Variants in CSMD3 observed in about 807,000 individuals in gnomAD.
The protein encoded by CSMD3 is CUB and Sushi multiple domains 3, also known as CUB and sushi domain-containing protein 3.
CSMD3 carries 177 observed loss-of-function variants against 435.2 expected under a neutral mutation model. The ratio of observed to expected loss-of-function variants is 0.41; its 90% CI spans 0.36 to 0.46. The LOEUF is 0.46. Among genes scored for constraint, CSMD3 ranks in the 20% least tolerant of loss-of-function variants. The pLI, the probability that CSMD3 is intolerant of heterozygous loss-of-function variation, is 0.34. For synonymous variants in CSMD3, 1,656 were observed against 1,520.5 expected, an observed-to-expected ratio of 1.09 and a Z score of -2.07; for missense variants, 4,265 against 4,504.6, an observed-to-expected ratio of 0.95 and a Z score of 1.52.
intron 68 of CSMD3, 122 bp downstream of exon 68, chr8:112,234,243 T>C: frequency 1.7e-6 from 1 of 591,034 alleles, no homozygotes; most frequent in Non-Finnish European, 3.0e-6. Context: ...TATTTATATT[T>C]ACTAATATAT....
At chr8:112,989,636 G>T (rs1421735390) in intron 6 of CSMD3, among the ~76,000 whole-genome samples, 35 of 151,954 alleles carry the variant, frequency 2.3e-4, no homozygotes, top group Non-Finnish European at 4.4e-5. Context: ...TGACTAAGAG[G>T]TAGAGTAGGT....
intron 1 of CSMD3, among the ~76,000 whole-genome samples, chr8:113,361,419 TTAAA>T (rs1406630000): frequency 1.3e-5 from 2 of 152,170 alleles, no homozygotes; most frequent in African/African-American, 4.8e-5. Context: ...ATAAATTTCC[TTAAA>T]TATTCTTAAC....
chr8:112,854,393 G>A (rs1314834019), intron 11 of CSMD3, among the ~76,000 whole-genome samples: 1 of 152,140 alleles, frequency 6.6e-6, no homozygotes, highest in Non-Finnish European at 1.5e-5. Context: ...TTTGTGGGGA[G>A]AGGGCAAGGG....
intron 13 of CSMD3, among the ~76,000 whole-genome samples, chr8:112,713,351 G>T (rs2131930636): frequency 7.4e-6 from 1 of 135,676 alleles, no homozygotes; most frequent in South Asian, 2.5e-4. Context: ...AGGCAGACAA[G>T]ATTAGAAAAT....
intron 4 of CSMD3, among the ~76,000 whole-genome samples, chr8:113,114,544 AC>A (rs2090765483): frequency 6.6e-6 from 1 of 152,166 alleles, no homozygotes; most frequent in African/African-American, 2.4e-5. Context: ...AAAGACCCTG[AC>A]CTAGGCAAAA....
chr8:112,914,531 T>C (rs1160051046), intron 10 of CSMD3, among the ~76,000 whole-genome samples: 1 of 151,524 alleles, frequency 6.6e-6, no homozygotes, highest in African/African-American at 2.4e-5. Flanking sequence ...ACTTCATGCC[T>C]TAATATGAGG....
intron 27 of CSMD3, among the ~76,000 whole-genome samples, chr8:112,527,001 T>A (rs1040546545): frequency 2.0e-4 from 30 of 151,884 alleles, no homozygotes; most frequent in African/African-American, 7.0e-4. Context: ...GTATAGCTAA[T>A]AAGCTAATAG....
At chr8:113,413,968 C>T (rs2094570622) in intron 1 of CSMD3, among the ~76,000 whole-genome samples, 1 of 152,076 alleles carries the variant, frequency 6.6e-6, no homozygotes, top group East Asian at 1.9e-4. Flanking sequence ...AAGATCTTAC[C>T]TTTAAAAGAA....
intron 13 of CSMD3, among the ~76,000 whole-genome samples, chr8:112,738,512 A>G (rs577294352): frequency 6.6e-6 from 1 of 151,804 alleles, no homozygotes; most frequent in South Asian, 2.1e-4. Context: ...CAAAAGAATT[A>G]TGTCATGCTA....
rs140015044 is a variant in CSMD3 at position 112,593,391 on chromosome 8, T to A, written c.3716-6156A>T. Among the ~76,000 whole-genome samples, 130 of 152,248 alleles carry A rather than the reference T, an allele frequency of 8.5e-4. 1 individual carries two copies. The East Asian group carries it at 0.023, about 27-fold the overall frequency. ...GGAAGAGGAGATGCCAAAGTAAAAGTTAGAACTTGGAGACAAGTTCGATGT... is the reference window on the plus strand; with the variant it reads ...GGAAGAGGAGATGCCAAAGTAAAAGATAGAACTTGGAGACAAGTTCGATGT... On this transcript the variant is annotated intron_variant, in intron 22 of 70. Coordinates refer to ENST00000297405, the MANE Select transcript of CSMD3 (RefSeq NM_198123.2).
intron 31 of CSMD3, among the ~76,000 whole-genome samples, chr8:112,478,270 A>G (rs913511357): frequency 6.6e-6 from 1 of 152,228 alleles, no homozygotes; most frequent in South Asian, 2.1e-4. Flanking sequence ...CTGGAAATGT[A>G]GAAATGGCTT....
At chr8:113,100,334 A>G (rs917920942) in intron 4 of CSMD3, among the ~76,000 whole-genome samples, 1 of 152,104 alleles carries the variant, frequency 6.6e-6, no homozygotes, top group African/African-American at 2.4e-5. Flanking sequence ...TACTACAAAT[A>G]TTTTTACCAA....
intron 30 of CSMD3, among the ~76,000 whole-genome samples, chr8:112,498,926 G>A (rs915716827): frequency 7.2e-5 from 11 of 152,044 alleles, no homozygotes; most frequent in African/African-American, 2.4e-4. Context: ...ACCTCTTTAC[G>A]ATGCTCAAAA....
At chr8:112,469,180 A>T (rs1368545021) in intron 32 of CSMD3, among the ~76,000 whole-genome samples, 1 of 150,108 alleles carries the variant, frequency 6.7e-6, no homozygotes, top group Non-Finnish European at 1.5e-5. Flanking sequence ...AAAAAAAAAA[A>T]AAGTAATTTG....
chr8:112,913,962 GT>G (rs1360013700), intron 10 of CSMD3, among the ~76,000 whole-genome samples: 2 of 151,840 alleles, frequency 1.3e-5, no homozygotes, highest in Admixed American at 6.6e-5. Flanking sequence ...TTTCGTTGCT[GT>G]TTTTCCCACT....
intron 37 of CSMD3, among the ~76,000 whole-genome samples, chr8:112,382,271 C>T (rs1425350402): frequency 1.5e-5 from 2 of 133,222 alleles, no homozygotes; most frequent in Admixed American, 1.7e-4. Flanking sequence ...GCAATAGAGC[C>T]AGACCCTGTC....
chr8:112,348,629 G>A (rs1029809681), intron 40 of CSMD3, among the ~76,000 whole-genome samples: 3 of 152,046 alleles, frequency 2.0e-5, no homozygotes, highest in Non-Finnish European at 4.4e-5. Context: ...AGGTGCGGTG[G>A]TTCATGCCTG....
intron 1 of CSMD3, among the ~76,000 whole-genome samples, chr8:113,403,737 T>G (rs903803857): frequency 8.6e-5 from 13 of 151,468 alleles, no homozygotes; most frequent in African/African-American, 2.9e-4. Context: ...GTGATAAAAG[T>G]TCATCTCACC....
At chr8:112,694,617 T>C (rs1021131023) in intron 13 of CSMD3, among the ~76,000 whole-genome samples, 5 of 152,216 alleles carry the variant, frequency 3.3e-5, no homozygotes, top group African/African-American at 1.2e-4. Flanking sequence ...CAATACACAG[T>C]AAGTAAAGTA....
Sources: gnomAD v4.1 joint callset for allele counts (sites outside exome capture counted in the v4.1 genomes callset) on GRCh38, gnomAD v4.1.1 for gene constraint, MANE v1.5 for transcripts, NCBI Gene and HGNC (gene_info 2026-07-23, HGNC 2026-07-21) for gene names.